LDLRAD4: variants seen among roughly 807,000 people sequenced by gnomAD.
LDLRAD4 encodes the protein low density lipoprotein receptor class A domain containing 4, also known as low-density lipoprotein receptor class A domain-containing protein 4.
LDLRAD4 carries 5 observed loss-of-function variants against 17.0 expected under a neutral mutation model. The observed-to-expected ratio is 0.29, with a 90% CI of 0.15 to 0.62. The LOEUF is 0.62. Among genes scored for constraint, LDLRAD4 ranks in the 20% least tolerant of loss-of-function variants. LDLRAD4 has a pLI of 0.84. For synonymous variants in LDLRAD4, 168 were observed against 171.8 expected, an observed-to-expected ratio of 0.98 and a Z score of 0.17; for missense variants, 340 against 424.7, an observed-to-expected ratio of 0.80 and a Z score of 1.75.
chr18:13,646,306 C>G lies in LDLRAD4; in HGVS notation c.*649C>G, dbSNP rs568094729. 2.0e-5 allele frequency: 3 copies of G among 152,778 alleles called. No individual in the cohort carries two copies. In the East Asian group the frequency reaches 5.8e-4, roughly 29 times the overall value. 9.5% of individuals were successfully genotyped at this position (152,778 alleles called of 1,614,324 possible). A position where few individuals can be genotyped will look rare whatever the true frequency, so the allele number is the denominator to read the frequency against. ...CGTGAAGTTCTGTATGTTGTCTTTT[C>G]ACCTGTGGATTGTAATCAGGCCCAA... On this transcript the variant is annotated 3_prime_UTR_variant, in exon 6 of 6. Coordinates refer to ENST00000359446, the Ensembl canonical transcript of LDLRAD4.
At chr18:13,582,948 T>G in intron 3 of LDLRAD4, among the ~76,000 whole-genome samples, 1 of 152,182 alleles carries the variant, frequency 6.6e-6, no homozygotes, top group Non-Finnish European at 1.5e-5. Context: ...AACTCTGGCC[T>G]CAAGTGATCT....
At chr18:13,411,159 G>C (rs1312948336) in intron 2 of LDLRAD4, among the ~76,000 whole-genome samples, 1 of 152,038 alleles carries the variant, frequency 6.6e-6, no homozygotes, top group African/African-American at 2.4e-5. Flanking sequence ...AGCTGAGGTA[G>C]GAGGATCACC....
At chr18:13,284,709 T>G (rs1022371336) in intron 1 of LDLRAD4, among the ~76,000 whole-genome samples, 3 of 152,182 alleles carry the variant, frequency 2.0e-5, no homozygotes, top group African/African-American at 7.2e-5. Context: ...GTGAGTCCTC[T>G]GGTGCGGTTT....
At chr18:13,479,588 T>C (rs1397169885) in intron 3 of LDLRAD4, among the ~76,000 whole-genome samples, 1 of 151,632 alleles carries the variant, frequency 6.6e-6, no homozygotes, top group Admixed American at 6.6e-5. Context: ...ACCATGGCAC[T>C]CCAGCCTGGG....
chr18:13,219,964 G>A (rs1175892964), intron 1 of LDLRAD4, among the ~76,000 whole-genome samples: 1 of 152,206 alleles, frequency 6.6e-6, no homozygotes, highest in Non-Finnish European at 1.5e-5. Context: ...AATTCTTCTG[G>A]AATATAGTCT....
intron 3 of LDLRAD4, among the ~76,000 whole-genome samples, chr18:13,592,307 T>A (rs546265993): frequency 7.9e-5 from 12 of 152,360 alleles, no homozygotes; most frequent in African/African-American, 2.4e-4. Context: ...AACAAAAATG[T>A]CTCACAATAC....
chr18:13,439,051 A>C (rs1273870795), intron 3 of LDLRAD4, among the ~76,000 whole-genome samples: 3 of 152,182 alleles, frequency 2.0e-5, no homozygotes, highest in African/African-American at 7.2e-5. Context: ...GGCTAAGTGA[A>C]GGGGGTTGAG....
chr18:13,530,525 G>T (rs143269407), intron 3 of LDLRAD4, among the ~76,000 whole-genome samples: 1 of 152,336 alleles, frequency 6.6e-6, no homozygotes, highest in African/African-American at 2.4e-5. Context: ...AAAATGAAAT[G>T]ATTTCCAGCA....
chr18:13,613,021 T>C (rs925376470), intron 3 of LDLRAD4: 16 of 489,656 alleles, frequency 3.3e-5, no homozygotes, highest in Non-Finnish European at 5.5e-5. Flanking sequence ...GGAGGTGTTA[T>C]GCATGAGTAC....
intron 2 of LDLRAD4, among the ~76,000 whole-genome samples, chr18:13,416,591 TG>T (rs2088917224): frequency 6.6e-6 from 1 of 152,236 alleles, no homozygotes; most frequent in African/African-American, 2.4e-5. Context: ...TTCTGACATC[TG>T]TGTTTCTTGG....
At chr18:13,540,639 G>GC (rs1455372465) in intron 3 of LDLRAD4, among the ~76,000 whole-genome samples, 1 of 152,170 alleles carries the variant, frequency 6.6e-6, no homozygotes, top group African/African-American at 2.4e-5. Context: ...ACATCTGCTG[G>GC]CTGGAAAATA....
In LDLRAD4 at chr18:13,295,358, G is replaced by A. The variant is rs185248107; in HGVS notation, c.-383+17170G>A. The stretch of plus-strand genomic sequence containing the variant: ...TAGGGTTTCTTCTGTAGAAGCATCC[G>A]CTGATCAGCTGCATGTGTGGGGTCA... On this transcript the variant is annotated intron_variant, in intron 1 of 5. Transcript: ENST00000359446. Among the ~76,000 whole-genome samples the A allele has an allele frequency of 8.5e-4, 130 of 152,270 alleles. 4 individuals are homozygous for A. In the South Asian group the frequency reaches 0.024, roughly 28 times the overall value.
chr18:13,446,699 G>A (rs1371627703), intron 3 of LDLRAD4, among the ~76,000 whole-genome samples: 3 of 152,218 alleles, frequency 2.0e-5, no homozygotes, highest in Non-Finnish European at 2.9e-5. Flanking sequence ...CTGGGGAGGC[G>A]AGAGGCAGCG....
intron 3 of LDLRAD4, among the ~76,000 whole-genome samples, chr18:13,588,228 C>T (rs181670357): frequency 6.6e-5 from 10 of 152,322 alleles, no homozygotes; most frequent in Non-Finnish European, 1.2e-4. Flanking sequence ...TCTCACTGTG[C>T]GTGGGTAAGG....
intron 2 of LDLRAD4, among the ~76,000 whole-genome samples, chr18:13,393,669 G>C (rs779126178): frequency 3.3e-5 from 5 of 152,186 alleles, no homozygotes; most frequent in Non-Finnish European, 2.9e-5. Flanking sequence ...TTCTGCCGAT[G>C]CTCTTTAGAG....
chr18:13,516,761 C>T (rs569482007), intron 3 of LDLRAD4, among the ~76,000 whole-genome samples: 3 of 152,312 alleles, frequency 2.0e-5, no homozygotes, highest in South Asian at 2.1e-4. Context: ...AAGCCTTTCA[C>T]GATGCTTCCT....
intron 3 of LDLRAD4, among the ~76,000 whole-genome samples, chr18:13,518,364 C>A (rs1225143775): frequency 1.3e-5 from 2 of 152,180 alleles, no homozygotes. Context: ...GTATTATATT[C>A]TTCATTCCAG....
intron 3 of LDLRAD4, among the ~76,000 whole-genome samples, chr18:13,583,324 C>T (rs989811616): frequency 6.6e-6 from 1 of 151,928 alleles, no homozygotes; most frequent in African/African-American, 2.4e-5. Context: ...CTGCAGATGA[C>T]AAGGTGAGGT....
chr18:13,241,876 A>G (rs921297200), intron 1 of LDLRAD4: 1 of 152,258 alleles, frequency 6.6e-6, no homozygotes, highest in African/African-American at 2.4e-5. Context: ...TGCATCTTAC[A>G]TCTTTTACTG....
Sources: gnomAD v4.1 joint callset for allele counts (sites outside exome capture counted in the v4.1 genomes callset) on GRCh38, gnomAD v4.1.1 for gene constraint, MANE v1.5 for transcripts, NCBI Gene and HGNC (gene_info 2026-07-23, HGNC 2026-07-21) for gene names.